Variants in FHIP1A observed in about 807,000 individuals in gnomAD.
FHIP1A encodes the protein FHF complex subunit HOOK interacting protein 1A, also known as FHF complex subunit HOOK-interacting protein 1A.
FHIP1A carries 61 observed loss-of-function variants against 88.6 expected under a neutral mutation model. The observed-to-expected ratio is 0.69, with a 90% CI of 0.56 to 0.85. The LOEUF (loss-of-function observed/expected upper bound fraction) is 0.85. Among genes scored for constraint, FHIP1A ranks in the 40% least tolerant of loss-of-function variants. The pLI, the probability that FHIP1A is intolerant of heterozygous loss-of-function variation, is 0.00. For synonymous variants in FHIP1A, 478 were observed against 496.0 expected (o/e 0.96, Z 0.48); for missense variants, 1,154 against 1,273.5 (o/e 0.91, Z 1.43).
intron 4 of FHIP1A, among the ~76,000 whole-genome samples, chr4:151,576,195 T>G (rs999034262): frequency 6.6e-6 from 1 of 152,156 alleles, no homozygotes; most frequent in East Asian, 1.9e-4. Flanking sequence ...ATGCTAGCAG[T>G]GGGAAAGGAG....
At chr4:151,511,754 G>T (rs1404682718) in intron 3 of FHIP1A, among the ~76,000 whole-genome samples, 1 of 152,256 alleles carries the variant, frequency 6.6e-6, no homozygotes, top group East Asian at 1.9e-4. Context: ...CCATTGCCCA[G>T]GCTTGCTTAG....
intron 3 of FHIP1A, among the ~76,000 whole-genome samples, chr4:151,492,962 A>T (rs1730338421): frequency 6.6e-6 from 1 of 152,228 alleles, no homozygotes; most frequent in South Asian, 2.1e-4. Flanking sequence ...AACCCAGCAG[A>T]AGGAAAGAAA....
chr4:151,510,772 A>G (rs1007787496), intron 3 of FHIP1A, among the ~76,000 whole-genome samples: 1 of 152,228 alleles, frequency 6.6e-6, no homozygotes, highest in Admixed American at 6.5e-5. Flanking sequence ...AACAGTTTCT[A>G]GTGATCAAAT....
At chr4:151,443,740 C>G (rs1193661310) in intron 1 of FHIP1A, among the ~76,000 whole-genome samples, 17 of 99,424 alleles carry the variant, frequency 1.7e-4, no homozygotes, top group Non-Finnish European at 2.8e-4. Context: ...ACTGGGTTGT[C>G]TGCTGGCCAG....
chr4:151,514,608 A>G (rs1731159088), intron 3 of FHIP1A, among the ~76,000 whole-genome samples: 1 of 152,238 alleles, frequency 6.6e-6, no homozygotes, highest in African/African-American at 2.4e-5. Flanking sequence ...ACAATAAAAA[A>G]TGGTAAAGGG....
At chr4:151,629,898 T>TAA (rs1736092137) in intron 8 of FHIP1A, 29 bp downstream of exon 8, 1 of 1,538,434 alleles carries the variant, frequency 6.5e-7, no homozygotes, top group African/African-American at 1.4e-5. Flanking sequence ...GAAGGGAACT[T>TAA]ACAACTCAGA....
Position 151,504,879 on chromosome 4 carries a change from A to G in FHIP1A, c.-123+22231A>G, listed in dbSNP as rs111339174. The stretch of plus-strand genomic sequence containing the variant: ...GTGATCCACGCACCTCGGCCTCCCA[A>G]CGTGCTAGGATTATAGGAGGGAGCC... On this transcript the variant is annotated intron_variant, in intron 3 of 13. Coordinates refer to ENST00000435205, the MANE Select transcript of FHIP1A (RefSeq NM_001109977.3). 3.4e-3 allele frequency among the ~76,000 whole-genome samples: 512 copies of G among 152,238 alleles called. 2 individuals are homozygous for G. Among genetic ancestry groups the G allele is most frequent in the African/African-American group, 0.012 (494 of 41,542 alleles).
At chr4:151,660,796 G>T (rs1378394175) in intron 13 of FHIP1A, among the ~76,000 whole-genome samples, 3 of 152,230 alleles carry the variant, frequency 2.0e-5, no homozygotes, top group Non-Finnish European at 4.4e-5. Flanking sequence ...TCATTGTGAA[G>T]TTGGTGGCAA....
At chr4:151,432,241 A>C in intron 1 of FHIP1A, among the ~76,000 whole-genome samples, 1 of 152,204 alleles carries the variant, frequency 6.6e-6, no homozygotes, top group Non-Finnish European at 1.5e-5. Context: ...AGCTTTTAAA[A>C]TATGTGTGAA....
chr4:151,607,094 C>T (rs1261209997), intron 7 of FHIP1A, among the ~76,000 whole-genome samples: 2 of 152,142 alleles, frequency 1.3e-5, no homozygotes, highest in Non-Finnish European at 2.9e-5. Context: ...CACACTTACA[C>T]CCTTATCAGA....
At chr4:151,638,564 C>T in intron 8 of FHIP1A, 113 bp from the exon 9 acceptor site, 1 of 526,732 alleles carries the variant, frequency 1.9e-6, no homozygotes, top group African/African-American at 2.3e-5. Flanking sequence ...ATCAAAACTG[C>T]TAAAAAAAAA....
At chr4:151,549,657 A>G (rs1248363853) in intron 3 of FHIP1A, among the ~76,000 whole-genome samples, 4 of 152,118 alleles carry the variant, frequency 2.6e-5, no homozygotes, top group African/African-American at 4.8e-5. Flanking sequence ...AGCCACCCTC[A>G]GGGCTGCTCT....
intron 1 of FHIP1A, among the ~76,000 whole-genome samples, chr4:151,445,111 C>T (rs1728544339): frequency 6.6e-6 from 1 of 152,254 alleles, no homozygotes; most frequent in East Asian, 1.9e-4. Context: ...TCTCATGACC[C>T]CCTTCCTCAG....
intron 10 of FHIP1A, 92 bp downstream of exon 10, chr4:151,646,840 T>C (rs1736816973): frequency 2.4e-6 from 2 of 828,784 alleles, no homozygotes; most frequent in African/African-American, 1.7e-5. Context: ...CAGGGAATTA[T>C]GTGGTGGGTC....
intron 8 of FHIP1A, 81 bp from the exon 9 acceptor site, chr4:151,638,596 A>T: frequency 1.2e-6 from 1 of 821,262 alleles, no homozygotes. Flanking sequence ...ATATTTTGTA[A>T]TTCTGATTTA....
chr4:151,463,799 C>A (rs1018889611), intron 2 of FHIP1A, among the ~76,000 whole-genome samples: 3 of 152,078 alleles, frequency 2.0e-5, no homozygotes, highest in Non-Finnish European at 2.9e-5. Flanking sequence ...TGAAAAATAC[C>A]CTGGTTTCTG....
intron 13 of FHIP1A, among the ~76,000 whole-genome samples, chr4:151,661,408 G>GTTTTT (rs5862966): frequency 1.6e-5 from 2 of 128,600 alleles, no homozygotes; most frequent in Non-Finnish European, 1.7e-5. Flanking sequence ...AGTGGAAGTT[G>GTTTTT]TTTTTTTTTT....
chr4:151,455,609 C>T lies in FHIP1A; in HGVS notation c.-248+801C>T, dbSNP rs538210736. On this transcript the variant is annotated intron_variant, in intron 2 of 13. Transcript: ENST00000435205. ...TCCTCATATTTTGGAAGTTCAGAGC[C>T]GGTTCAGGGAGATGCCACTTCTTCC... Among the ~76,000 whole-genome samples the T allele has an allele frequency of 4.6e-5, 7 of 152,242 alleles. No individual in the cohort carries two copies. In the South Asian group the frequency reaches 1.2e-3, roughly 27 times the overall value.
chr4:151,433,776 C>T (rs552947356), intron 1 of FHIP1A, among the ~76,000 whole-genome samples: 2 of 152,130 alleles, frequency 1.3e-5, no homozygotes, highest in African/African-American at 2.4e-5. Context: ...TCAAACTACA[C>T]TATTAGACTC....
Sources: allele counts gnomAD v4.1 joint callset (sites outside exome capture counted in the v4.1 genomes callset), GRCh38; gene constraint gnomAD v4.1.1; transcripts MANE v1.5; gene names NCBI Gene and HGNC (gene_info 2026-07-23, HGNC 2026-07-21).